LGMN: variants seen among roughly 807,000 people sequenced by gnomAD.
LGMN encodes asparaginyl endopeptidase.
Under a neutral mutation model 56.8 loss-of-function variants are expected in LGMN, and 36 were observed. The ratio of observed to expected loss-of-function variants is 0.63; its 90% CI spans 0.49 to 0.84. LGMN has a LOEUF of 0.84. Ranked by LOEUF, LGMN falls within the 40% of genes least tolerant of loss-of-function variation. The probability of loss-of-function intolerance (pLI) is 0.00; values close to 1 mark genes in which losing one functional copy is unlikely to be tolerated. For missense variants in LGMN, 446 were observed against 556.1 expected, an observed-to-expected ratio of 0.80 and a Z score of 1.99; for synonymous variants, 199 against 210.1, an observed-to-expected ratio of 0.95 and a Z score of 0.46.
chr14:92,723,290 C>T (rs1413280388), intron 2 of LGMN, among the ~76,000 whole-genome samples: 1 of 152,130 alleles, frequency 6.6e-6, no homozygotes, highest in Non-Finnish European at 1.5e-5. Flanking sequence ...CGTGATACAC[C>T]TGCCTTGGCC....
chr14:92,730,893 G>A (rs528022922), intron 2 of LGMN, among the ~76,000 whole-genome samples: 24 of 150,704 alleles, frequency 1.6e-4, no homozygotes, highest in Admixed American at 4.0e-4. Flanking sequence ...TCGCGCCACT[G>A]CACTCTAGCC....
intron 2 of LGMN, among the ~76,000 whole-genome samples, chr14:92,719,239 A>G (rs1301005498): frequency 9.7e-3 from 208 of 21,454 alleles, no homozygotes; most frequent in Non-Finnish European, 0.012. Flanking sequence ...CGCCACCGCC[A>G]CCACCGCCAC....
intron 1 of LGMN, among the ~76,000 whole-genome samples, 198 bp from the exon 2 acceptor site, chr14:92,733,013 G>T (rs1448677495): frequency 6.6e-6 from 1 of 152,036 alleles, no homozygotes; most frequent in African/African-American, 2.4e-5. Context: ...GCTAGGCGTG[G>T]TAGCACGTAC....
At chr14:92,731,697 T>C (rs528095043) in intron 2 of LGMN, among the ~76,000 whole-genome samples, 2 of 152,348 alleles carry the variant, frequency 1.3e-5, no homozygotes, top group African/African-American at 4.8e-5. Flanking sequence ...CATTCAACCT[T>C]TGATGGACAT....
chr14:92,719,433 T>C (rs763188527), intron 2 of LGMN, among the ~76,000 whole-genome samples: 3 of 151,292 alleles, frequency 2.0e-5, no homozygotes, highest in Non-Finnish European at 2.9e-5. Context: ...CCACCACATA[T>C]ATAGGTAAGA....
chr14:92,725,273 G>A (rs1362481154), intron 2 of LGMN, among the ~76,000 whole-genome samples: 3 of 152,140 alleles, frequency 2.0e-5, no homozygotes, highest in Admixed American at 2.0e-4. Flanking sequence ...GCAGATTTCA[G>A]GCCAGACACA....
At chr14:92,719,269 GCCGCCGCCA>G (rs1380922614) in intron 2 of LGMN, among the ~76,000 whole-genome samples, 57 of 15,558 alleles carry the variant, frequency 3.7e-3, no homozygotes, top group Middle Eastern at 0.022. Flanking sequence ...CGCCACCGCC[GCCGCCGCCA>G]CCGCCGCCGC....
chr14:92,707,090 T>G (rs572116711), intron 11 of LGMN, among the ~76,000 whole-genome samples: 33 of 152,040 alleles, frequency 2.2e-4, no homozygotes, highest in Admixed American at 7.9e-4. Context: ...AGAAAATGCT[T>G]CTACACTACC....
intron 10 of LGMN, 60 bp from the exon 11 acceptor site, chr14:92,709,932 C>CAGAGAGAGAGGG: frequency 7.2e-7 from 1 of 1,396,342 alleles, no homozygotes; most frequent in Non-Finnish European, 9.8e-7. Context: ...GAGAGAAGGC[C>CAGAGAGAGAGGG]AGAGAGAGAG....
rs775800345 is a variant in LGMN, at chr14:92,713,840, G to T, written c.526C>A (p.His176Asn). ...TGAATTACCTTTCGGTACATTTTGT[G>T]TTTGTACATGTAATGGATGGTCTCA... ...LNETIHYMYK[H>N]KMYRKMVFYI... The change falls in exon 7 of 14, where the codon CAC (histidine) becomes AAC (asparagine). Residue 176 changes from histidine to asparagine, a missense_variant. Physicochemically the swap from His to Asn is moderately conservative, Grantham distance 68. Transcript: ENST00000334869. 5 of 1,613,280 alleles carry T rather than the reference G, an allele frequency of 3.1e-6. No individual in the cohort carries two copies. In the East Asian group the frequency reaches 1.1e-4, roughly 36 times the overall value.
rs1437070058 is a variant in LGMN, at chr14:92,704,437, C to A, written c.1260-76G>T. On this transcript the variant is annotated intron_variant, in intron 13 of 13. Coordinates refer to ENST00000334869, the MANE Select transcript of LGMN (RefSeq NM_005606.7). ...AGGCAGACAAACGCAAACCCACATG[C>A]GGCAGGCAGGCAGTTATGACAGGCC... The A allele has an allele frequency of 5.4e-6, 7 of 1,285,844 alleles. No homozygotes were observed. The African/African-American group carries it at 8.8e-5, about 16-fold the overall frequency. 79.7% of individuals were successfully genotyped at this position (1,285,844 alleles called of 1,614,324 possible). A position where few individuals can be genotyped will look rare whatever the true frequency, so the allele number is the denominator to read the frequency against.
intron 10 of LGMN, among the ~76,000 whole-genome samples, chr14:92,711,021 T>C (rs1889738041): frequency 6.6e-6 from 1 of 152,198 alleles, no homozygotes; most frequent in African/African-American, 2.4e-5. Flanking sequence ...TCTTGGGGGA[T>C]GGTGAACAAT....
intron 2 of LGMN, among the ~76,000 whole-genome samples, chr14:92,719,965 G>A (rs879345850): frequency 1.3e-5 from 2 of 152,242 alleles, no homozygotes; most frequent in Admixed American, 6.5e-5. Context: ...GAGCAACTGG[G>A]TGTACACACA....
intron 1 of LGMN, among the ~76,000 whole-genome samples, chr14:92,743,671 T>C (rs917990267): frequency 6.7e-6 from 1 of 149,664 alleles, no homozygotes; most frequent in Non-Finnish European, 1.5e-5. Context: ...CATGGTAGCA[T>C]GCACCTGTAA....
rs536501895 is a variant in LGMN, at chr14:92,742,754, T to C, written c.-30+5735A>G. 3.3e-5 allele frequency among the ~76,000 whole-genome samples: 5 copies of C among 152,242 alleles called. No individual in the cohort carries two copies. The East Asian group carries it at 7.7e-4, about 24-fold the overall frequency. The stretch of plus-strand genomic sequence containing the variant: ...CAAACAGAAAAAAATTTAAGAAGCA[T>C]TGGATACAGGCTGGGCGTGGTGGCT... On this transcript the variant is annotated intron_variant, in intron 1 of 13. Transcript: ENST00000334869.
At chr14:92,747,184 T>C (rs939417807) in intron 1 of LGMN, among the ~76,000 whole-genome samples, 2 of 152,118 alleles carry the variant, frequency 1.3e-5, no homozygotes, top group African/African-American at 4.8e-5. Flanking sequence ...TTCATCTCAC[T>C]AGGTTCTGCC....
chr14:92,741,919 T>C (rs1891573723), intron 1 of LGMN: 1 of 152,104 alleles, frequency 6.6e-6, no homozygotes, highest in Non-Finnish European at 1.5e-5. Flanking sequence ...GCAGAAGAAA[T>C]AAGGACAGGT....
intron 2 of LGMN, among the ~76,000 whole-genome samples, chr14:92,719,158 G>GCACCA (rs1311329272): frequency 1.2e-4 from 12 of 96,320 alleles, no homozygotes; most frequent in East Asian, 3.1e-4. Context: ...CACCGCCACT[G>GCACCA]CCACCACCAC....
intron 2 of LGMN, among the ~76,000 whole-genome samples, chr14:92,726,412 C>T (rs1890742723): frequency 1.3e-5 from 2 of 152,104 alleles, no homozygotes; most frequent in Admixed American, 6.6e-5. Flanking sequence ...GCCCACAAAA[C>T]CTCAAATATC....
Sources: gnomAD v4.1 joint callset for allele counts (sites outside exome capture counted in the v4.1 genomes callset) on GRCh38, gnomAD v4.1.1 for gene constraint, MANE v1.5 for transcripts, NCBI Gene and HGNC (gene_info 2026-07-23, HGNC 2026-07-21) for gene names.